The following AFAP1 variants were observed in gnomAD, a reference collection of about 807,000 sequenced individuals.
AFAP1 encodes the protein actin filament associated protein 1, also known as actin filament-associated protein 1.
A neutral mutation model predicts 93.9 loss-of-function variants in AFAP1; 75 were observed. The observed-to-expected ratio is 0.80, with a 90% CI of 0.66 to 0.97. The LOEUF (loss-of-function observed/expected upper bound fraction) is 0.97. Ranked by LOEUF, AFAP1 falls within the 50% of genes least tolerant of loss-of-function variation. The probability of loss-of-function intolerance (pLI) is 0.00; values close to 1 mark genes in which losing one functional copy is unlikely to be tolerated. For missense variants in AFAP1, 1,201 were observed against 1,050.8 expected, an observed-to-expected ratio of 1.14 and a Z score of -1.98; for synonymous variants, 517 against 430.7, an observed-to-expected ratio of 1.20 and a Z score of -2.48.
At chr4:7,877,692 T>A (rs1022340661) in intron 1 of AFAP1, among the ~76,000 whole-genome samples, 2 of 152,210 alleles carry the variant, frequency 1.3e-5, no homozygotes, top group Non-Finnish European at 2.9e-5. Flanking sequence ...TTTGAACATT[T>A]CATAATAATA....
chr4:7,798,125 A>G (rs6813784), intron 10 of AFAP1, among the ~76,000 whole-genome samples: 18,845 of 64,174 alleles, frequency 0.29, 2,328 homozygotes, highest in East Asian at 0.69. Flanking sequence ...GCTGGCTCAC[A>G]GCACTGCAAC....
rs375350319 is a variant in AFAP1, at chr4:7,872,089, A to G, written c.-2-9T>C. 12 of 1,613,696 alleles carry G rather than the reference A, an allele frequency of 7.4e-6. No homozygotes were observed. In the African/African-American group the frequency reaches 1.6e-4, roughly 22 times the overall value. On this transcript the variant is annotated splice_polypyrimidine_tract_variant and intron_variant, in intron 1 of 17. Coordinates refer to ENST00000420658, the MANE Select transcript of AFAP1 (RefSeq NM_001134647.2). ...TATTAACTCTTCCATTGCTGACAAC[A>G]AAAGAGGAAGAGTATTATTAGACCC...
At chr4:7,872,233 C>G (rs1717117560) in intron 1 of AFAP1, 153 bp from the exon 2 acceptor site, 2 of 906,226 alleles carry the variant, frequency 2.2e-6, no homozygotes, top group Non-Finnish European at 3.2e-6. Flanking sequence ...AGCAGGTCCA[C>G]TAAAAGATTC....
At chr4:7,808,202 CTCA>C (rs1159755939) in intron 9 of AFAP1, among the ~76,000 whole-genome samples, 2 of 152,166 alleles carry the variant, frequency 1.3e-5, no homozygotes, top group African/African-American at 4.8e-5. Context: ...GAAAACGTAG[CTCA>C]TCAAGTTTTC....
At chr4:7,863,593 G>C (rs1223932775) in intron 3 of AFAP1, among the ~76,000 whole-genome samples, 1 of 152,130 alleles carries the variant, frequency 6.6e-6, no homozygotes, top group Non-Finnish European at 1.5e-5. Context: ...CAAAAATTCA[G>C]AAGTTCAAGA....
chr4:7,848,159 G>T (rs1408554666), intron 4 of AFAP1, among the ~76,000 whole-genome samples: 2 of 108,638 alleles, frequency 1.8e-5, no homozygotes, highest in African/African-American at 6.4e-5. Flanking sequence ...AGGTAGATGG[G>T]TAAGTGGGAG....
rs148452444 is a variant in AFAP1 at position 7,859,047 on chromosome 4, C to T, written c.226-3473G>A. Among the ~76,000 whole-genome samples, 617 of 152,322 alleles carry T rather than the reference C, an allele frequency of 4.1e-3. 1 individual carries two copies. The highest frequency in any genetic ancestry group is 0.014 in the African/African-American group (582 of 41,566). On this transcript the variant is annotated intron_variant, in intron 3 of 17. Coordinates refer to ENST00000420658, the MANE Select transcript of AFAP1 (RefSeq NM_001134647.2). ...CGTCACTATCAGGAGAGACCCAGTC[C>T]GTGCACATGCCCCTAACACGGCCTG... is the stretch of plus-strand genomic sequence containing the variant.
At position 7,934,617 on chromosome 4, in the gene AFAP1, A is replaced by G. The variant is rs114715211; in HGVS notation, c.-3+5039T>C. On this transcript the variant is annotated intron_variant, in intron 1 of 17. Coordinates refer to ENST00000420658, the MANE Select transcript of AFAP1 (RefSeq NM_001134647.2). ...ACGAGAAAGAAAAGGCAGAGGAGAG[A>G]GAGGAAAGCAGGCCCGACACCGCAC... is the stretch of plus-strand genomic sequence containing the variant. Among the ~76,000 whole-genome samples, 358 of 152,282 alleles carry G rather than the reference A, an allele frequency of 2.4e-3. 2 individuals are homozygous for G. Among genetic ancestry groups the G allele is most frequent in the African/African-American group, 8.4e-3 (347 of 41,546 alleles).
rs568740441 is a variant in AFAP1, at chr4:7,808,575, T to C, written c.1054+1039A>G. On this transcript the variant is annotated intron_variant, in intron 9 of 17. Transcript: ENST00000420658. ...AAAGACTGACCGGGGAGATGGTCTG[T>C]GTGTTAGACTGGATTTGAAACTTCG... is the stretch of plus-strand genomic sequence containing the variant. Among the ~76,000 whole-genome samples the C allele has an allele frequency of 3.3e-5, 5 of 152,260 alleles. No individual in the cohort carries two copies. In the South Asian group the frequency reaches 1.0e-3, roughly 32 times the overall value.
chr4:7,935,779 C>G (rs1721343409), intron 1 of AFAP1, among the ~76,000 whole-genome samples: 1 of 152,150 alleles, frequency 6.6e-6, no homozygotes, highest in South Asian at 2.1e-4. Context: ...GTTTGGGACC[C>G]CGGCCAGGGC....
At chr4:7,825,610 T>C (rs2149083208) in intron 6 of AFAP1, among the ~76,000 whole-genome samples, 1 of 152,230 alleles carries the variant, frequency 6.6e-6, no homozygotes, top group South Asian at 2.1e-4. Context: ...ATGAGACATG[T>C]AGCCTTCAAT....
chr4:7,764,762 TC>T (rs1282097554), intron 17 of AFAP1, among the ~76,000 whole-genome samples: 1 of 152,128 alleles, frequency 6.6e-6, no homozygotes, highest in Non-Finnish European at 1.5e-5. Context: ...TGCGGCTATG[TC>T]TGGTCTGACA....
At chr4:7,868,789 C>G (rs1011231856) in intron 2 of AFAP1, 70 bp from the exon 3 acceptor site, 15 of 1,370,180 alleles carry the variant, frequency 1.1e-5, no homozygotes, top group Non-Finnish European at 1.5e-5. Flanking sequence ...TAGCATCTAT[C>G]AGTTCCTGAA....
intron 5 of AFAP1, chr4:7,842,828 C>T (rs528804803): frequency 5.0e-5 from 15 of 297,714 alleles, no homozygotes; most frequent in Non-Finnish European, 8.8e-5. Context: ...CTTGCAACTC[C>T]TGGCAAGTTA....
At chr4:7,767,276 G>A (rs1291303198) in intron 17 of AFAP1, among the ~76,000 whole-genome samples, 1 of 152,216 alleles carries the variant, frequency 6.6e-6, no homozygotes, top group Non-Finnish European at 1.5e-5. Flanking sequence ...CACCAAGAGG[G>A]AGCAAAAGGG....
At chr4:7,831,350 C>T (rs1017188747) in intron 6 of AFAP1, among the ~76,000 whole-genome samples, 2 of 151,396 alleles carry the variant, frequency 1.3e-5, no homozygotes, top group African/African-American at 4.9e-5. Context: ...AGATACTTTA[C>T]CCCGTATTAT....
intron 1 of AFAP1, among the ~76,000 whole-genome samples, chr4:7,928,030 A>G (rs964665693): frequency 2.0e-5 from 3 of 152,188 alleles, no homozygotes; most frequent in Non-Finnish European, 2.9e-5. Context: ...CCCAATCATG[A>G]TAAGAATTTT....
intron 13 of AFAP1, among the ~76,000 whole-genome samples, chr4:7,781,102 A>G (rs1376223793): frequency 6.6e-6 from 1 of 152,220 alleles, no homozygotes; most frequent in Non-Finnish European, 1.5e-5. Flanking sequence ...CCTTTAGTTG[A>G]CATAATTCAC....
At position 7,767,385 on chromosome 4, in the gene AFAP1, G is replaced by C. The variant is rs532733984; in HGVS notation, c.2418+1459C>G. Among the ~76,000 whole-genome samples, 3 of 152,318 alleles carry C rather than the reference G, an allele frequency of 2.0e-5. No individual in the cohort carries two copies. In the East Asian group the frequency reaches 5.8e-4, roughly 29 times the overall value. On this transcript the variant is annotated intron_variant, in intron 17 of 17. Transcript: ENST00000420658. ...GAATTTTCAGTCCAATTTCTTTGAT[G>C]ATAAAGAAACTAAATAGATGAAGTA...
Sources: gnomAD v4.1 joint callset for allele counts (sites outside exome capture counted in the v4.1 genomes callset) on GRCh38, gnomAD v4.1.1 for gene constraint, MANE v1.5 for transcripts, NCBI Gene and HGNC (gene_info 2026-07-23, HGNC 2026-07-21) for gene names.